Variants in ZNF740 observed in about 807,000 individuals in gnomAD.
ZNF740 encodes the protein zinc finger protein 740.
Under a neutral mutation model 24.8 loss-of-function variants are expected in ZNF740, and 14 were observed. That is an observed-to-expected ratio of 0.56 (90% confidence interval 0.37 to 0.88). The LOEUF (loss-of-function observed/expected upper bound fraction) is 0.88. ZNF740 is among the 40% of genes least tolerant of loss of function. The pLI, the probability that ZNF740 is intolerant of heterozygous loss-of-function variation, is 0.00. For synonymous variants in ZNF740, 69 were observed against 84.0 expected (o/e 0.82, Z 0.98); for missense variants, 201 against 247.9 (o/e 0.81, Z 1.27).
chr12:53,192,210 C>T lies in ZNF740; in HGVS notation c.*4620C>T. On this transcript the variant is annotated 3_prime_UTR_variant, in exon 7 of 7. Transcript: ENST00000416904. ...CTTGCTCAATTGCCTCTGCCTTTGT[C>T]CTGGATTCACAGTTCTGCTTCAGCC... The T allele has an allele frequency of 7.9e-7, 1 of 1,266,280 alleles. No homozygotes were observed. Among genetic ancestry groups the T allele is most frequent in the Admixed American group, 2.0e-5 (1 of 50,386 alleles). The allele number at this position is 1,266,280 out of a possible 1,614,324, so 78.4% of individuals were successfully genotyped here.
chr12:53,184,251 C>T (rs916392752), intron 2 of ZNF740, among the ~76,000 whole-genome samples: 1 of 151,276 alleles, frequency 6.6e-6, no homozygotes, highest in African/African-American at 2.4e-5. Context: ...TGCAGTGGCG[C>T]GATTTCGGCT....
chr12:53,194,029 A>G lies in ZNF740; in HGVS notation c.*6439A>G. ...GGGGTCATGTTAACACCCAACTCCT[A>G]GAAACATGCCTGAGGAAGCCACTCA... On this transcript the variant is annotated 3_prime_UTR_variant, in exon 7 of 7. Coordinates refer to ENST00000416904, the MANE Select transcript of ZNF740 (RefSeq NM_001004304.4). 5 of 1,306,966 alleles carry G rather than the reference A, an allele frequency of 3.8e-6. No individual in the cohort carries two copies. The highest frequency in any genetic ancestry group is 1.5e-5 in the African/African-American group (1 of 68,494). 81.0% of individuals were successfully genotyped at this position (1,306,966 alleles called of 1,614,324 possible). A position where few individuals can be genotyped will look rare whatever the true frequency, so the allele number is the denominator to read the frequency against.
chr12:53,193,501 G>A lies in ZNF740; in HGVS notation c.*5911G>A, dbSNP rs1258387189. ...CAGCTGAAAGGATGTTAAGTATAGT[G>A]AAACACTGAGGGGTGAGAGAGTGGA... On this transcript the variant is annotated 3_prime_UTR_variant, in exon 7 of 7. Transcript: ENST00000416904. The A allele has an allele frequency of 3.9e-6, 3 of 761,894 alleles. No homozygotes were observed. The highest frequency in any genetic ancestry group is 6.3e-6 in the Non-Finnish European group (3 of 477,380). The allele number at this position is 761,894 out of a possible 1,614,324, so 47.2% of individuals were successfully genotyped here. A position where few individuals can be genotyped will look rare whatever the true frequency, so the allele number is the denominator to read the frequency against.
intron 1 of ZNF740, chr12:53,181,273 G>A: frequency 4.1e-6 from 4 of 985,386 alleles, no homozygotes; most frequent in Non-Finnish European, 4.8e-6. Flanking sequence ...TGCCAGTCCC[G>A]TTTCTGCCCG....
intron 2 of ZNF740, among the ~76,000 whole-genome samples, chr12:53,182,548 A>C (rs746401030): frequency 6.6e-6 from 1 of 152,136 alleles, no homozygotes; most frequent in Non-Finnish European, 1.5e-5. Flanking sequence ...GGGTATGTAC[A>C]TAGGAGAGAA....
Position 53,191,956 on chromosome 12 carries a change from A to G in ZNF740, c.*4366A>G. ...GAGCCGGTAAGCCAGGACCAGCCCCAGCCCCACTGCCACGATGCCCCCTAC... is the reference window on the plus strand; with the variant it reads ...GAGCCGGTAAGCCAGGACCAGCCCCGGCCCCACTGCCACGATGCCCCCTAC... On this transcript the variant is annotated 3_prime_UTR_variant, in exon 7 of 7. Transcript: ENST00000416904. The G allele has an allele frequency of 1.2e-6, 2 of 1,610,816 alleles. No individual in the cohort carries two copies. Among genetic ancestry groups the G allele is most frequent in the Non-Finnish European group, 1.7e-6 (2 of 1,179,690 alleles).
intron 2 of ZNF740, among the ~76,000 whole-genome samples, chr12:53,184,140 T>TGTGTGTGTGCGC (rs1941767284): frequency 1.5e-5 from 2 of 134,040 alleles, no homozygotes; most frequent in African/African-American, 6.9e-5. Flanking sequence ...TGTGTGTGTG[T>TGTGTGTGTGCGC]GTGTGTGTGT....
rs61761309 is a variant in ZNF740 at position 53,193,620 on chromosome 12, G to A, written c.*6030G>A. On this transcript the variant is annotated 3_prime_UTR_variant, in exon 7 of 7. Transcript: ENST00000416904. ...GTCGGGATGTCGAGGAGACTCCTGT[G>A]GGGGGGATGGAAAGCAGCGGAGGAA... 30 of 1,164,618 alleles carry A rather than the reference G, an allele frequency of 2.6e-5. No individual in the cohort carries two copies. Among genetic ancestry groups the A allele is most frequent in the African/African-American group, 1.1e-4 (7 of 64,458 alleles). 72.1% of individuals were successfully genotyped at this position (1,164,618 alleles called of 1,614,324 possible).
chr12:53,187,658 G>A lies in ZNF740; in HGVS notation c.*68G>A. 7.6e-7 allele frequency: 1 copy of A among 1,315,384 alleles called. No homozygotes were observed. Among genetic ancestry groups the A allele is most frequent in the Non-Finnish European group, 1.1e-6 (1 of 920,054 alleles). 81.5% of individuals were successfully genotyped at this position (1,315,384 alleles called of 1,614,324 possible). A position where few individuals can be genotyped will look rare whatever the true frequency, so the allele number is the denominator to read the frequency against. The stretch of plus-strand genomic sequence containing the variant: ...CCGAAGAGCACACCCCCTCTGGTCT[G>A]ATGGTCCCACCACCGCCCCATGTGA... On this transcript the variant is annotated 3_prime_UTR_variant, in exon 7 of 7. Transcript: ENST00000416904.
In ZNF740 at chr12:53,185,040, G is replaced by T; in HGVS notation, c.159G>T (p.Gln53His). Reference protein sequence around the residue: ...GSPDVLRCSSQGHRKDSDKSR... With the variant: ...GSPDVLRCSSHGHRKDSDKSR... ...CTGATGTGCTGAGGTGCTCGAGTCA[G>T]GTACAGCGCTTGAGTCCATTGTGGC... Residue 53 changes from glutamine to histidine, a missense_variant and splice_region_variant, in exon 3 of 7, where the codon CAG becomes CAT. Gln to His is a conservative substitution (Grantham distance 24). Around this residue, in one of 3 missense-constraint regions of ZNF740, gnomAD observed 117 missense variants for 122.3 expected, o/e 0.96. Coordinates refer to ENST00000416904, the MANE Select transcript of ZNF740 (RefSeq NM_001004304.4). 1.9e-6 allele frequency: 3 copies of T among 1,613,826 alleles called. No individual in the cohort carries two copies. The highest frequency in any genetic ancestry group is 1.7e-6 in the Non-Finnish European group (2 of 1,179,850).
Position 53,194,129 on chromosome 12 carries a change from T to G in ZNF740, c.*6539T>G. On this transcript the variant is annotated 3_prime_UTR_variant, in exon 7 of 7. Coordinates refer to ENST00000416904, the MANE Select transcript of ZNF740 (RefSeq NM_001004304.4). ...CTCCCTGTACCTGCCACCCATCTTT[T>G]CCTGCCTGCTTAATTTCCCACTCCC... The G allele has an allele frequency of 6.2e-7, 1 of 1,602,346 alleles. No homozygotes were observed. Among genetic ancestry groups the G allele is most frequent in the Non-Finnish European group, 8.5e-7 (1 of 1,171,584 alleles).
In ZNF740 at chr12:53,181,774, C is replaced by G. The variant is rs1941653369; in HGVS notation, c.-210C>G. ...CTTCAGACAATAGGCAGGAGCCAGG[C>G]AGAGTCCAGGGATTCTTGGAACACC... On this transcript the variant is annotated 5_prime_UTR_variant, in exon 2 of 7. Transcript: ENST00000416904. 1.6e-6 allele frequency: 1 copy of G among 635,384 alleles called. No homozygotes were observed. The highest frequency in any genetic ancestry group is 3.3e-5 in the Admixed American group (1 of 30,398). 39.4% of individuals were successfully genotyped at this position (635,384 alleles called of 1,614,324 possible). A position where few individuals can be genotyped will look rare whatever the true frequency, so the allele number is the denominator to read the frequency against.
At chr12:53,185,330 G>A (rs974528018) in intron 3 of ZNF740, 57 bp from the exon 4 acceptor site, 61 of 1,557,210 alleles carry the variant, frequency 3.9e-5, no homozygotes, top group Non-Finnish European at 4.8e-5. Flanking sequence ...AGCTGCATTG[G>A]GTCTCATCTC....
intron 1 of ZNF740, 180 bp downstream of exon 1, chr12:53,181,017 C>G: frequency 1.2e-6 from 1 of 858,296 alleles, no homozygotes; most frequent in East Asian, 1.3e-4. Flanking sequence ...CGCCCCCTGC[C>G]CGCGCGTCCC....
rs1004005684 is a variant in ZNF740, at chr12:53,189,827, A to G, written c.*2237A>G. On this transcript the variant is annotated 3_prime_UTR_variant, in exon 7 of 7. Coordinates refer to ENST00000416904, the MANE Select transcript of ZNF740 (RefSeq NM_001004304.4). ...CTGTAAACCATTTTAAAATATTTAG[A>G]AAACTATCCTCCCAAAAATGCTTTT... 2 of 152,308 alleles carry G rather than the reference A, an allele frequency of 1.3e-5. No homozygotes were observed. Among genetic ancestry groups the G allele is most frequent in the African/African-American group, 4.8e-5 (2 of 41,556 alleles). 9.4% of individuals were successfully genotyped at this position (152,308 alleles called of 1,614,324 possible). A position where few individuals can be genotyped will look rare whatever the true frequency, so the allele number is the denominator to read the frequency against.
chr12:53,182,080 C>T, intron 2 of ZNF740, 88 bp downstream of exon 2: 1 of 1,533,764 alleles, frequency 6.5e-7, no homozygotes, highest in Non-Finnish European at 8.9e-7. Flanking sequence ...AACATATTGA[C>T]CAACCCCAGT....
At chr12:53,184,176 G>GGTGTGTGTGT (rs143795685) in intron 2 of ZNF740, among the ~76,000 whole-genome samples, 11 of 128,072 alleles carry the variant, frequency 8.6e-5, no homozygotes, top group African/African-American at 3.5e-4. Context: ...GAAGCTAAGG[G>GGTGTGTGTGT]GTGTGTGTGT....
rs773021658 is a variant in ZNF740 at position 53,192,373 on chromosome 12, A to G, written c.*4783A>G. 1.2e-6 allele frequency: 2 copies of G among 1,614,044 alleles called. No homozygotes were observed. The highest frequency in any genetic ancestry group is 1.7e-5 in the Admixed American group (1 of 60,018). On this transcript the variant is annotated 3_prime_UTR_variant, in exon 7 of 7. Coordinates refer to ENST00000416904, the MANE Select transcript of ZNF740 (RefSeq NM_001004304.4). The stretch of plus-strand genomic sequence containing the variant: ...TGAGCACGACCGTGCCTCTGGCGTC[A>G]TCCTCCACCAAGAAGAAGAACAGCT...
chr12:53,186,426 C>T lies in ZNF740; in HGVS notation c.409C>T (p.Arg137Cys), dbSNP rs1941822525. ...ATTTGAATGCGATATATGTGATATG[C>T]GTTTCATCCAGAAGTACCACCTGGA... ...KPFECDICDM[R>C]FIQKYHLERH... Residue 137 changes from arginine to cysteine, a missense_variant, in exon 6 of 7, where the codon CGT becomes TGT. Transcript: ENST00000416904. The T allele has an allele frequency of 6.3e-7, 1 of 1,589,628 alleles. No individual in the cohort carries two copies. Among genetic ancestry groups the T allele is most frequent in the Non-Finnish European group, 8.6e-7 (1 of 1,167,350 alleles).
Sources: allele counts gnomAD v4.1 joint callset (sites outside exome capture counted in the v4.1 genomes callset), GRCh38; gene constraint gnomAD v4.1.1; regional missense constraint gnomAD v4.1.1; transcripts MANE v1.5; gene names NCBI Gene and HGNC (gene_info 2026-07-23, HGNC 2026-07-21).